The following DNAH3 variants were observed in gnomAD, a reference collection of about 807,000 sequenced individuals.
The protein encoded by DNAH3 is dynein axonemal heavy chain 3, also known as axonemal beta dynein heavy chain 3.
Under a neutral mutation model 432.5 loss-of-function variants are expected in DNAH3, and 332 were observed. That is an observed-to-expected ratio of 0.77 (90% CI 0.70 to 0.84). The LOEUF is 0.84. Ranked by LOEUF, DNAH3 falls within the 40% of genes least tolerant of loss-of-function variation. The probability of loss-of-function intolerance (pLI) is 0.00; values close to 1 mark genes in which losing one functional copy is unlikely to be tolerated. For synonymous variants in DNAH3, 1,956 were observed against 1,900.2 expected, an observed-to-expected ratio of 1.03 and a Z score of -0.76; for missense variants, 4,861 against 5,114.0, an observed-to-expected ratio of 0.95 and a Z score of 1.51.
Position 21,125,386 on chromosome 16 carries a change from G to C in DNAH3, c.1209-16C>G. 2 of 1,565,456 alleles carry C rather than the reference G, an allele frequency of 1.3e-6. No individual in the cohort carries two copies. The highest frequency in any genetic ancestry group is 1.7e-6 in the Non-Finnish European group (2 of 1,153,066). Reference sequence around the variant, plus strand: ...GGGGATCCACCTGTAAAGACAGAAGGGTGTCCATGTGAGAAGCTCTTCTGG... The same window carrying C: ...GGGGATCCACCTGTAAAGACAGAAGCGTGTCCATGTGAGAAGCTCTTCTGG... On this transcript the variant is annotated splice_polypyrimidine_tract_variant and intron_variant, in intron 8 of 61. Coordinates refer to ENST00000261383, the Ensembl canonical transcript of DNAH3.
chr16:21,013,283 A>T (rs2087695587), intron 41 of DNAH3, among the ~76,000 whole-genome samples: 1 of 152,018 alleles, frequency 6.6e-6, no homozygotes, highest in Admixed American at 6.6e-5. Flanking sequence ...TAATCCCAGC[A>T]CTTTAGGAAG....
chr16:21,038,413 A>G (rs1012280021), intron 33 of DNAH3, among the ~76,000 whole-genome samples: 3 of 152,052 alleles, frequency 2.0e-5, no homozygotes, highest in Non-Finnish European at 2.9e-5. Flanking sequence ...GCTACTCGGA[A>G]GGCTAAGGGT....
chr16:21,040,123 G>T (rs1277945869), intron 32 of DNAH3, among the ~76,000 whole-genome samples, 180 bp from the exon 33 acceptor site: 1 of 152,010 alleles, frequency 6.6e-6, no homozygotes, highest in Non-Finnish European at 1.5e-5. Context: ...GCCAATGCAT[G>T]GCTCAACCAA....
At chr16:21,120,468 C>T (rs948211640) in intron 11 of DNAH3, among the ~76,000 whole-genome samples, 4 of 152,032 alleles carry the variant, frequency 2.6e-5, no homozygotes, top group Non-Finnish European at 5.9e-5. Context: ...AAGGTAACAC[C>T]CACCAGTTGC....
chr16:21,042,714 G>A (rs2089502112), intron 31 of DNAH3, among the ~76,000 whole-genome samples: 3 of 151,442 alleles, frequency 2.0e-5, no homozygotes, highest in South Asian at 2.1e-4. Context: ...TAGGGTACAC[G>A]TGCACATTGT....
At chr16:21,048,277 G>C (rs1021671237) in intron 31 of DNAH3, among the ~76,000 whole-genome samples, 9 of 152,242 alleles carry the variant, frequency 5.9e-5, no homozygotes, top group African/African-American at 1.9e-4. Flanking sequence ...CCCCCAGCCA[G>C]GCTGCCGTCT....
At chr16:21,142,827 T>C (rs1021276140) in intron 3 of DNAH3, among the ~76,000 whole-genome samples, 1 of 152,100 alleles carries the variant, frequency 6.6e-6, no homozygotes, top group Non-Finnish European at 1.5e-5. Flanking sequence ...CTAATTTTCC[T>C]ATCTTTTGTA....
chr16:21,027,095 C>A, exon 38 of DNAH3: 2 of 1,613,744 alleles, frequency 1.2e-6, no homozygotes, highest in South Asian at 2.2e-5. Context: ...TCTTGGAGTT[C>A]ATCTGGATAA....
At chr16:20,974,058 G>T (rs1370472525) in intron 51 of DNAH3, among the ~76,000 whole-genome samples, 1 of 152,128 alleles carries the variant, frequency 6.6e-6, no homozygotes, top group African/African-American at 2.4e-5. Context: ...GTCTTGCTCT[G>T]TCACCCAGGC....
intron 4 of DNAH3, among the ~76,000 whole-genome samples, chr16:21,140,976 T>TG (rs2092711008): frequency 6.6e-6 from 1 of 151,962 alleles, no homozygotes; most frequent in Non-Finnish European, 1.5e-5. Context: ...ACGTCTCTAC[T>TG]AAAAATACAA....
At chr16:20,980,812 AC>A (rs1443582693) in intron 49 of DNAH3, among the ~76,000 whole-genome samples, 2 of 152,240 alleles carry the variant, frequency 1.3e-5, no homozygotes, top group East Asian at 3.8e-4. Flanking sequence ...ATGCTGCTTT[AC>A]TGAGGCATTA....
Position 21,037,994 on chromosome 16 carries a change from G to A in DNAH3, c.4731-14C>T. On this transcript the variant is annotated splice_polypyrimidine_tract_variant and intron_variant, in intron 33 of 61. Transcript: ENST00000261383. ...TTCTGGGCGAGACTAGAAGGGCAAA[G>A]ACATGTATGCGGACACCCAGAGAGG... is the stretch of plus-strand genomic sequence containing the variant. The A allele has an allele frequency of 6.2e-7, 1 of 1,612,086 alleles. No homozygotes were observed. The highest frequency in any genetic ancestry group is 8.5e-7 in the Non-Finnish European group (1 of 1,178,652).
rs534470869 is a variant in DNAH3, at chr16:21,135,724, CAAA to C, written c.886+597_886+599del. ...CCTGGGCGACAGAGCAAGACTGTCT[CAAA>C]AAAGAAAAAAAAAAGAAGTGTAGAA... On this transcript the variant is annotated intron_variant, in intron 6 of 61. Transcript: ENST00000261383. Among the ~76,000 whole-genome samples the C allele has an allele frequency of 3.1e-3, 460 of 148,220 alleles. 4 individuals are homozygous for C. Among genetic ancestry groups the C allele is most frequent in the Non-Finnish European group, 4.0e-3 (268 of 67,152 alleles).
rs368595158 is a variant in DNAH3, at chr16:20,980,281, ATAT to A, written c.7860-738_7860-736del. 2.1e-3 allele frequency among the ~76,000 whole-genome samples: 293 copies of A among 141,074 alleles called. 2 individuals are homozygous for A. The highest frequency in any genetic ancestry group is 6.6e-3 in the African/African-American group (261 of 39,266). 92.6% of individuals were successfully genotyped at this position (141,074 alleles called of 152,430 possible). A position where few individuals can be genotyped will look rare whatever the true frequency, so the allele number is the denominator to read the frequency against. ...TATATTATATTATAATATACATCAT[ATAT>A]TATAATATACATCATATATTATATT... On this transcript the variant is annotated intron_variant, in intron 49 of 61. Coordinates refer to ENST00000261383, the Ensembl canonical transcript of DNAH3.
chr16:20,966,309 GATTACAGGT>G, intron 52 of DNAH3, among the ~76,000 whole-genome samples: 1 of 151,708 alleles, frequency 6.6e-6, no homozygotes, highest in Non-Finnish European at 1.5e-5. Context: ...AAAGTGCTGG[GATTACAGGT>G]ATGGGCCACC....
chr16:21,117,314 A>G, exon 12 of DNAH3: 1 of 1,604,608 alleles, frequency 6.2e-7, no homozygotes, highest in Non-Finnish European at 8.5e-7. Flanking sequence ...ATATCCTTTC[A>G]GCTCTGGGAA....
At position 20,936,851 on chromosome 16, in the gene DNAH3, A is replaced by G. The variant is rs147644796; in HGVS notation, c.11657T>C (p.Leu3886Pro). ...GAGGCTCCTCCGAACCACTTTGGTC[A>G]GCCTGCAAGAACAGAGGAGCTGGCT... is the stretch of plus-strand genomic sequence containing the variant. Residue 3886 changes from leucine to proline, a missense_variant and splice_region_variant, in exon 60 of 62, where the codon CTG (leucine) becomes CCG (proline). Coordinates refer to ENST00000261383, the Ensembl canonical transcript of DNAH3. The G allele has an allele frequency of 1.6e-3, 2,576 of 1,609,418 alleles. 7 individuals are homozygous for G. Among genetic ancestry groups the G allele is most frequent in the Non-Finnish European group, 1.4e-3 (1,673 of 1,178,064 alleles).
At chr16:21,134,971 A>G (rs996673167) in intron 6 of DNAH3, among the ~76,000 whole-genome samples, 16 of 152,162 alleles carry the variant, frequency 1.1e-4, no homozygotes, top group Non-Finnish European at 2.4e-4. Flanking sequence ...TATAGGTGTG[A>G]GCTAGCACAC....
In DNAH3 at chr16:20,965,248, G is replaced by A. The variant is rs144338082; in HGVS notation, c.8636C>T (p.Ser2879Leu). 185 of 1,612,778 alleles carry A rather than the reference G, an allele frequency of 1.1e-4. 1 individual carries two copies. The highest frequency in any genetic ancestry group is 8.2e-4 in the Middle Eastern group (5 of 6,082). Residue 2879 changes from serine to leucine, a missense_variant, in exon 53 of 62, where the codon TCG becomes TTG. By Grantham distance (145) the Ser-to-Leu change is moderately radical. Transcript: ENST00000261383. ...CCACTTGCACAGACCCTCGCAGGCC[G>A]ACGATACATTTTTAATGACAGCTGG...
Sources: gnomAD v4.1 joint callset for allele counts (sites outside exome capture counted in the v4.1 genomes callset) on GRCh38, gnomAD v4.1.1 for gene constraint, MANE v1.5 for transcripts, NCBI Gene and HGNC (gene_info 2026-07-23, HGNC 2026-07-21) for gene names.